The following SGCZ variants were observed in gnomAD, a reference collection of about 807,000 sequenced individuals.
SGCZ encodes the protein sarcoglycan zeta, also known as zeta-sarcoglycan.
SGCZ carries 40 observed loss-of-function variants against 41.3 expected under a neutral mutation model. The observed-to-expected ratio is 0.97, with a 90% CI of 0.75 to 1.26. SGCZ has a LOEUF of 1.26. Among genes scored for constraint, SGCZ ranks in the 50% most tolerant of loss-of-function variants. SGCZ has a pLI of 0.00. For synonymous variants in SGCZ, 206 were observed against 137.5 expected (o/e 1.50, Z -3.49); for missense variants, 552 against 369.8 (o/e 1.49, Z -4.04).
intron 1 of SGCZ, among the ~76,000 whole-genome samples, chr8:15,126,316 G>C (rs1216812261): frequency 1.3e-5 from 2 of 152,064 alleles, no homozygotes; most frequent in Non-Finnish European, 2.9e-5. Flanking sequence ...ATTATATTTA[G>C]GAATAGTGTC....
intron 1 of SGCZ, among the ~76,000 whole-genome samples, chr8:15,167,017 GTTTT>G (rs150936064): frequency 0.23 from 33,796 of 150,138 alleles, 4,665 homozygotes; most frequent in East Asian, 0.68. Flanking sequence ...TTCTTGTTTT[GTTTT>G]TTTTTCAGAG....
intron 1 of SGCZ, among the ~76,000 whole-genome samples, chr8:15,028,053 A>C (rs903753721): frequency 6.6e-6 from 1 of 152,074 alleles, no homozygotes; most frequent in Admixed American, 6.6e-5. Context: ...CTCAGTTACC[A>C]CTGCCTTCCG....
chr8:14,596,989 T>C (rs1470251914), intron 1 of SGCZ, among the ~76,000 whole-genome samples: 2 of 152,084 alleles, frequency 1.3e-5, no homozygotes, highest in African/African-American at 4.8e-5. Flanking sequence ...ATCTAAGTAA[T>C]GGTATAAGAC....
At chr8:14,273,123 G>C (rs10089234) in intron 3 of SGCZ, among the ~76,000 whole-genome samples, 4,879 of 151,880 alleles carry the variant, frequency 0.032, 96 homozygotes, top group African/African-American at 0.053. Context: ...ATCATGAAGA[G>C]CTTTTCCTCA....
chr8:14,982,869 A>C (rs955475445), intron 1 of SGCZ, among the ~76,000 whole-genome samples: 6 of 152,330 alleles, frequency 3.9e-5, no homozygotes, highest in Middle Eastern at 6.8e-3. Context: ...CTGATCGTTC[A>C]AACTTTTATT....
At chr8:14,275,798 T>C (rs190347979) in intron 3 of SGCZ, among the ~76,000 whole-genome samples, 47 of 152,264 alleles carry the variant, frequency 3.1e-4, no homozygotes, top group Non-Finnish European at 1.5e-5. Context: ...GAAGGCTGGT[T>C]TCATGCCCCT....
intron 1 of SGCZ, among the ~76,000 whole-genome samples, chr8:15,200,161 A>G (rs182687103): frequency 2.6e-5 from 4 of 152,336 alleles, no homozygotes; most frequent in African/African-American, 9.6e-5. Flanking sequence ...GAGTTTCCTC[A>G]AGTTCTTGTA....
At chr8:14,357,548 C>G (rs1803341772) in intron 2 of SGCZ, among the ~76,000 whole-genome samples, 1 of 152,068 alleles carries the variant, frequency 6.6e-6, no homozygotes, top group Admixed American at 6.5e-5. Context: ...CAGGAAGTAA[C>G]AAAATAGGTA....
At chr8:14,798,927 AG>A (rs1364617374) in intron 1 of SGCZ, among the ~76,000 whole-genome samples, 4 of 151,892 alleles carry the variant, frequency 2.6e-5, no homozygotes, top group Admixed American at 6.6e-5. Context: ...TTTTTACTAG[AG>A]AAAAGTCTCA....
intron 2 of SGCZ, among the ~76,000 whole-genome samples, chr8:14,361,579 T>C (rs942634878): frequency 1.3e-5 from 2 of 152,216 alleles, no homozygotes; most frequent in Non-Finnish European, 2.9e-5. Context: ...TAGCCATTCA[T>C]CTAAGCTTTT....
Position 14,112,021 on chromosome 8 carries a change from G to A in SGCZ, c.548-3786C>T, listed in dbSNP as rs1352341934. 3.3e-5 allele frequency among the ~76,000 whole-genome samples: 5 copies of A among 151,984 alleles called. No homozygotes were observed. The East Asian group carries it at 7.7e-4, about 23-fold the overall frequency. On this transcript the variant is annotated intron_variant, in intron 5 of 7. Coordinates refer to ENST00000382080, the MANE Select transcript of SGCZ (RefSeq NM_139167.4). ...TATCCTACGCTACTCATTATTCACC[G>A]ATTGACATCCATGTATTTTTTACAG...
At chr8:14,565,219 C>G (rs1009868208) in intron 1 of SGCZ, among the ~76,000 whole-genome samples, 2 of 151,902 alleles carry the variant, frequency 1.3e-5, no homozygotes, top group African/African-American at 4.8e-5. Context: ...TTCAGTCATT[C>G]TTAGTTTTCT....
intron 1 of SGCZ, among the ~76,000 whole-genome samples, chr8:14,863,692 T>G (rs1803829515): frequency 6.6e-6 from 1 of 152,166 alleles, no homozygotes; most frequent in African/African-American, 2.4e-5. Context: ...ATTATTATTT[T>G]CTTGGACTTT....
At chr8:15,054,947 G>C (rs1263490299) in intron 1 of SGCZ, among the ~76,000 whole-genome samples, 1 of 134,110 alleles carries the variant, frequency 7.5e-6, no homozygotes, top group Admixed American at 8.0e-5. Context: ...GGGCAACAGA[G>C]CAAGACTCCA....
chr8:15,236,692 G>C (rs1802136086), intron 1 of SGCZ, among the ~76,000 whole-genome samples: 5 of 151,416 alleles, frequency 3.3e-5, no homozygotes, highest in Admixed American at 2.6e-4. Flanking sequence ...TTTTTTTCTT[G>C]AAGGGAAGCA....
chr8:14,463,164 T>C (rs763332082), intron 2 of SGCZ, among the ~76,000 whole-genome samples: 8 of 151,632 alleles, frequency 5.3e-5, no homozygotes, highest in Non-Finnish European at 1.0e-4. Flanking sequence ...CAATTTGTCA[T>C]TTATTTTTAC....
chr8:14,674,781 TG>T (rs111679840), intron 1 of SGCZ, among the ~76,000 whole-genome samples: 2,019 of 151,844 alleles, frequency 0.013, 40 homozygotes, highest in African/African-American at 0.034. Context: ...GCCCCTCCCC[TG>T]CCCTCTCCTC....
At chr8:14,997,703 T>TA (rs1251851554) in intron 1 of SGCZ, among the ~76,000 whole-genome samples, 4 of 152,190 alleles carry the variant, frequency 2.6e-5, no homozygotes, top group African/African-American at 9.7e-5. Flanking sequence ...CTCACACCCA[T>TA]AATCCCAGCA....
chr8:15,171,810 G>A (rs572709624), intron 1 of SGCZ, among the ~76,000 whole-genome samples: 22 of 152,256 alleles, frequency 1.4e-4, no homozygotes, highest in Non-Finnish European at 2.2e-4. Flanking sequence ...GGGACACCTA[G>A]TAAAACCTTC....
Sources: gnomAD v4.1 joint callset for allele counts (sites outside exome capture counted in the v4.1 genomes callset) on GRCh38, gnomAD v4.1.1 for gene constraint, MANE v1.5 for transcripts, NCBI Gene and HGNC (gene_info 2026-07-23, HGNC 2026-07-21) for gene names.